SLCO3A1: variants seen among roughly 807,000 people sequenced by gnomAD.
SLCO3A1 encodes PGE1 transporter.
A neutral mutation model predicts 63.1 loss-of-function variants in SLCO3A1; 27 were observed. The observed-to-expected ratio is 0.43, with a 90% CI of 0.32 to 0.59. SLCO3A1 has a LOEUF of 0.59. Among genes scored for constraint, SLCO3A1 ranks in the 20% least tolerant of loss-of-function variants. The pLI is 0.09. For synonymous variants in SLCO3A1, 473 were observed against 409.9 expected (o/e 1.15, Z -1.86); for missense variants, 773 against 945.8 (o/e 0.82, Z 2.40).
intron 4 of SLCO3A1, among the ~76,000 whole-genome samples, chr15:92,114,889 G>A (rs2047774813): frequency 6.6e-6 from 1 of 152,120 alleles, no homozygotes; most frequent in Admixed American, 6.5e-5. Context: ...TGGGCAAGGT[G>A]GAATTTATAG....
At chr15:91,901,715 A>T (rs926379133) in intron 1 of SLCO3A1, among the ~76,000 whole-genome samples, 3 of 152,188 alleles carry the variant, frequency 2.0e-5, no homozygotes, top group African/African-American at 7.2e-5. Flanking sequence ...GACCCTGGGT[A>T]TGTGATGAGT....
intron 7 of SLCO3A1, among the ~76,000 whole-genome samples, chr15:92,141,914 G>A (rs1168099986): frequency 6.6e-6 from 1 of 152,194 alleles, no homozygotes; most frequent in Non-Finnish European, 1.5e-5. Flanking sequence ...ATCCCCTGCT[G>A]GAGAGGTTGC....
chr15:92,101,684 A>G (rs1393452389), intron 3 of SLCO3A1, among the ~76,000 whole-genome samples: 1 of 152,170 alleles, frequency 6.6e-6, no homozygotes, highest in African/African-American at 2.4e-5. Flanking sequence ...TCTCTCTGCC[A>G]CAGTGCTCCG....
intron 2 of SLCO3A1, among the ~76,000 whole-genome samples, chr15:91,935,685 A>G (rs747876246): frequency 2.0e-5 from 3 of 152,214 alleles, no homozygotes; most frequent in African/African-American, 7.2e-5. Context: ...AGGGCCTGCC[A>G]CTTCCTTCCT....
intron 9 of SLCO3A1, among the ~76,000 whole-genome samples, chr15:92,159,949 C>T (rs536558611): frequency 2.6e-5 from 4 of 152,146 alleles, no homozygotes; most frequent in South Asian, 2.1e-4. Flanking sequence ...TAAAATATGA[C>T]CTGGTTTGCA....
At position 91,933,916 on chromosome 15, in the gene SLCO3A1, T is replaced by G. The variant is rs188161445; in HGVS notation, c.646+17458T>G. Reference sequence around the variant, plus strand: ...GAGTCAGGAAATTACAACCCTAGGATGGTTATGTTAAAGATCTGAATACTC... The same window carrying G: ...GAGTCAGGAAATTACAACCCTAGGAGGGTTATGTTAAAGATCTGAATACTC... On this transcript the variant is annotated intron_variant, in intron 2 of 9. Transcript: ENST00000318445. Among the ~76,000 whole-genome samples, 15 of 152,272 alleles carry G rather than the reference T, an allele frequency of 9.9e-5. No homozygotes were observed. In the East Asian group the frequency reaches 2.7e-3, roughly 27 times the overall value.
Position 92,036,359 on chromosome 15 carries a change from C to CTT in SLCO3A1, c.647-58505_647-58504dup, listed in dbSNP as rs768649802. On this transcript the variant is annotated intron_variant, in intron 2 of 9. Coordinates refer to ENST00000318445, the MANE Select transcript of SLCO3A1 (RefSeq NM_013272.4). ...TATCTGAAAAACCTTCTGAGGTTTT[C>CTT]TTTTTTTTTTTTTTTTTTCTATCTG... is the stretch of plus-strand genomic sequence containing the variant. 9.8e-3 allele frequency among the ~76,000 whole-genome samples: 492 copies of CTT among 50,318 alleles called. 5 individuals carry two copies. Among genetic ancestry groups the CTT allele is most frequent in the African/African-American group, 0.028 (472 of 16,650 alleles). The allele number at this position is 50,318 out of a possible 152,430, so 33.0% of individuals were successfully genotyped here.
intron 2 of SLCO3A1, among the ~76,000 whole-genome samples, chr15:92,024,811 G>T (rs182666629): frequency 2.0e-5 from 3 of 152,270 alleles, no homozygotes; most frequent in East Asian, 3.9e-4. Context: ...TGAATGAAGT[G>T]AAGGAATGCC....
intron 5 of SLCO3A1, among the ~76,000 whole-genome samples, chr15:92,120,998 G>A (rs2047856410): frequency 6.6e-6 from 1 of 152,150 alleles, no homozygotes; most frequent in South Asian, 2.1e-4. Flanking sequence ...TTGGCAGCAT[G>A]AGACCCATAG....
rs924365344 is a variant in SLCO3A1 at position 91,899,131 on chromosome 15, T to G, written c.181-16862T>G. Among the ~76,000 whole-genome samples the G allele has an allele frequency of 2.0e-5, 3 of 152,220 alleles. No individual in the cohort carries two copies. In the East Asian group the frequency reaches 5.8e-4, roughly 29 times the overall value. ...TTTCAACATACCAACTCCTGGGTTC[T>G]GCAAATGTACCCCAGAAACATTCTG... On this transcript the variant is annotated intron_variant, in intron 1 of 9. Transcript: ENST00000318445.
At chr15:92,118,273 G>C (rs1435505897) in intron 4 of SLCO3A1, among the ~76,000 whole-genome samples, 1 of 152,190 alleles carries the variant, frequency 6.6e-6, no homozygotes, top group Non-Finnish European at 1.5e-5. Flanking sequence ...CCACAGAACA[G>C]CCAAGGCCAC....
At chr15:92,026,151 G>C (rs2046571691) in intron 2 of SLCO3A1, among the ~76,000 whole-genome samples, 1 of 152,068 alleles carries the variant, frequency 6.6e-6, no homozygotes, top group Non-Finnish European at 1.5e-5. Flanking sequence ...GTAGGGATGG[G>C]TCTCTGTTTC....
intron 7 of SLCO3A1, among the ~76,000 whole-genome samples, chr15:92,145,401 A>T (rs1319117021): frequency 6.8e-6 from 1 of 147,450 alleles, no homozygotes; most frequent in Non-Finnish European, 1.5e-5. Flanking sequence ...TCTCATGTGT[A>T]TTCTAAAGCT....
intron 2 of SLCO3A1, among the ~76,000 whole-genome samples, chr15:92,051,355 C>T (rs967891888): frequency 1.6e-4 from 24 of 152,186 alleles, no homozygotes; most frequent in African/African-American, 5.8e-4. Context: ...GACAGCATCC[C>T]TGTAGCCTGG....
intron 2 of SLCO3A1, among the ~76,000 whole-genome samples, chr15:92,024,015 G>T (rs1465685130): frequency 2.0e-5 from 3 of 152,166 alleles, no homozygotes; most frequent in Non-Finnish European, 4.4e-5. Flanking sequence ...GGGCCATGTG[G>T]TCCCTGGTTC....
At chr15:92,000,638 A>T (rs1371558711) in intron 2 of SLCO3A1, among the ~76,000 whole-genome samples, 1 of 152,256 alleles carries the variant, frequency 6.6e-6, no homozygotes, top group South Asian at 2.1e-4. Context: ...AGGGTCAGTT[A>T]TACTAATTTA....
chr15:92,047,639 AATATATATATCTGTAGGTTATAC>A (rs2046905884), intron 2 of SLCO3A1, among the ~76,000 whole-genome samples: 1 of 103,068 alleles, frequency 9.7e-6, no homozygotes, highest in Admixed American at 1.8e-4. Flanking sequence ...TAAATATATA[AATATATATATCTGTAGGTTATAC>A]AGTTAACTTG....
intron 2 of SLCO3A1, among the ~76,000 whole-genome samples, chr15:92,091,068 C>G (rs2047468315): frequency 1.3e-5 from 2 of 152,202 alleles, no homozygotes; most frequent in South Asian, 4.1e-4. Context: ...CCTGGGCAAT[C>G]CTTCCCACTG....
At chr15:92,070,861 A>G (rs1265676348) in intron 2 of SLCO3A1, among the ~76,000 whole-genome samples, 1 of 152,124 alleles carries the variant, frequency 6.6e-6, no homozygotes, top group Non-Finnish European at 1.5e-5. Flanking sequence ...TCTGTTAGAT[A>G]TTTTAGGTAT....
Sources: allele counts gnomAD v4.1 joint callset (sites outside exome capture counted in the v4.1 genomes callset), GRCh38; gene constraint gnomAD v4.1.1; transcripts MANE v1.5; gene names NCBI Gene and HGNC (gene_info 2026-07-23, HGNC 2026-07-21).